Variants in TENM3 observed in about 807,000 individuals in gnomAD.
The protein encoded by TENM3 is teneurin-3.
Under a neutral mutation model 255.1 loss-of-function variants are expected in TENM3, and 63 were observed. The ratio of observed to expected loss-of-function variants is 0.25; its 90% CI spans 0.20 to 0.30. The LOEUF (loss-of-function observed/expected upper bound fraction) is 0.30. Ranked by LOEUF, TENM3 falls within the 10% of genes least tolerant of loss-of-function variation. TENM3 has a pLI of 1.00. For missense variants in TENM3, 2,929 were observed against 3,461.1 expected, an observed-to-expected ratio of 0.85 and a Z score of 3.86; for synonymous variants, 1,306 against 1,322.3, an observed-to-expected ratio of 0.99 and a Z score of 0.27.
At chr4:182,277,266 C>T (rs781346231) in intron 1 of TENM3, among the ~76,000 whole-genome samples, 13 of 151,870 alleles carry the variant, frequency 8.6e-5, no homozygotes, top group Non-Finnish European at 2.9e-5. Context: ...TAACCAAATC[C>T]ACAGATTTTT....
chr4:182,058,365 G>A, the TENM3 span, among the ~76,000 whole-genome samples: 1 of 151,998 alleles, frequency 6.6e-6, no homozygotes, highest in Non-Finnish European at 1.5e-5. Context: ...TTTTTGAAAT[G>A]TAAAATTTAC....
At chr4:181,458,178 A>T in the TENM3 span, among the ~76,000 whole-genome samples, 1 of 152,064 alleles carries the variant, frequency 6.6e-6, no homozygotes, top group African/African-American at 2.4e-5. Flanking sequence ...TCAAGATAAT[A>T]TATTCTTTTC....
In TENM3 at chr4:182,695,318, A is replaced by G. The variant is rs187087977; in HGVS notation, c.2221+6967A>G. ...TCCTTCATTTGCACTGGCACCTCCT[A>G]AGATCCCACAAGGGAACACCCATGG... On this transcript the variant is annotated intron_variant, in intron 12 of 27. Transcript: ENST00000511685. 4.9e-4 allele frequency among the ~76,000 whole-genome samples: 74 copies of G among 152,250 alleles called. 1 individual carries two copies. Among genetic ancestry groups the G allele is most frequent in the Admixed American group, 3.3e-3 (51 of 15,294 alleles).
At chr4:181,791,284 T>C in the TENM3 span, among the ~76,000 whole-genome samples, 1 of 152,226 alleles carries the variant, frequency 6.6e-6, no homozygotes. Context: ...TGATACATTT[T>C]ATGACTTCTT....
the TENM3 span, among the ~76,000 whole-genome samples, chr4:181,978,797 T>G: frequency 6.6e-6 from 1 of 151,420 alleles, no homozygotes; most frequent in African/African-American, 2.4e-5. Context: ...TCTCACTATC[T>G]GAAACTTAGG....
the TENM3 span, among the ~76,000 whole-genome samples, chr4:181,745,954 T>C: frequency 1.3e-5 from 2 of 152,206 alleles, no homozygotes; most frequent in Admixed American, 1.3e-4. Flanking sequence ...GTTGGGGTTT[T>C]ACCAAATGAA....
At chr4:182,746,361 G>A (rs867244568) in intron 19 of TENM3, among the ~76,000 whole-genome samples, 36 of 152,284 alleles carry the variant, frequency 2.4e-4, no homozygotes, top group African/African-American at 8.4e-4. Flanking sequence ...AGAACAGCAA[G>A]AAGAAAAGAG....
the TENM3 span, among the ~76,000 whole-genome samples, chr4:181,633,416 CA>C: frequency 6.6e-6 from 1 of 152,118 alleles, no homozygotes; most frequent in Non-Finnish European, 1.5e-5. Context: ...GTGCACCTGA[CA>C]TTGAATTTTT....
intron 3 of TENM3, among the ~76,000 whole-genome samples, chr4:182,502,131 G>A (rs1736377877): frequency 6.6e-6 from 1 of 152,128 alleles, no homozygotes; most frequent in South Asian, 2.1e-4. Context: ...GTCTTTTACT[G>A]TCTGCTACTG....
At chr4:182,365,755 G>A (rs6826146) in intron 3 of TENM3, among the ~76,000 whole-genome samples, 140,775 of 152,262 alleles carry the variant, frequency 0.92, 65,509 homozygotes, top group East Asian at 0.98. Context: ...TAACTCATAC[G>A]TTCAGAGAAA....
chr4:181,522,647 A>G, the TENM3 span: 1 of 588,700 alleles, frequency 1.7e-6, no homozygotes, highest in Admixed American at 2.1e-5. Flanking sequence ...TTGTAGCCAT[A>G]GTTTTCAGAA....
At chr4:182,277,904 T>C (rs1760111203) in intron 1 of TENM3, among the ~76,000 whole-genome samples, 1 of 152,214 alleles carries the variant, frequency 6.6e-6, no homozygotes, top group Non-Finnish European at 1.5e-5. Flanking sequence ...TTAGATAACA[T>C]TTACAACTCA....
At chr4:182,125,683 A>C in the TENM3 span, among the ~76,000 whole-genome samples, 1 of 152,144 alleles carries the variant, frequency 6.6e-6, no homozygotes, top group African/African-American at 2.4e-5. Context: ...AAAAACAGTG[A>C]ATAAAATAAA....
At chr4:181,569,694 A>G in the TENM3 span, among the ~76,000 whole-genome samples, 3 of 152,212 alleles carry the variant, frequency 2.0e-5, no homozygotes, top group South Asian at 2.1e-4. Flanking sequence ...TAGCCAGCCA[A>G]TGAAATAATT....
intron 3 of TENM3, among the ~76,000 whole-genome samples, chr4:182,420,839 G>A (rs1333842525): frequency 1.3e-5 from 2 of 152,094 alleles, no homozygotes; most frequent in African/African-American, 2.4e-5. Flanking sequence ...TTTATTTGAC[G>A]CACTCAGAAG....
chr4:181,903,764 G>A, the TENM3 span, among the ~76,000 whole-genome samples: 1 of 152,120 alleles, frequency 6.6e-6, no homozygotes, highest in Non-Finnish European at 1.5e-5. Flanking sequence ...GCCCTGAGGA[G>A]GGCCCCTCCT....
intron 6 of TENM3, among the ~76,000 whole-genome samples, chr4:182,672,216 C>T (rs975257242): frequency 1.3e-5 from 2 of 152,094 alleles, no homozygotes; most frequent in African/African-American, 4.8e-5. Context: ...TAGAAGGAGG[C>T]CATGCAGGAA....
the TENM3 span, among the ~76,000 whole-genome samples, chr4:182,057,290 AAGAGAG>A: frequency 8.6e-3 from 1,280 of 149,416 alleles, 19 homozygotes; most frequent in African/African-American, 0.029. Context: ...AAATTTCTCA[AAGAGAG>A]AGAGAGAGAG....
the TENM3 span, among the ~76,000 whole-genome samples, chr4:181,855,537 G>T: frequency 6.6e-6 from 1 of 152,144 alleles, no homozygotes; most frequent in East Asian, 1.9e-4. Context: ...CCCTACAGGG[G>T]TTTGTTTGGC....
Sources: allele counts gnomAD v4.1 joint callset (sites outside exome capture counted in the v4.1 genomes callset), GRCh38; gene constraint gnomAD v4.1.1; transcripts MANE v1.5; gene names NCBI Gene and HGNC (gene_info 2026-07-23, HGNC 2026-07-21).